The following CEP128 variants were observed in gnomAD, a reference collection of about 807,000 sequenced individuals.
The protein encoded by CEP128 is centrosomal protein 128kDa.
In CEP128, 132 loss-of-function variants were observed where a neutral mutation model predicts 156.7. The observed-to-expected ratio is 0.84, with a 90% confidence interval of 0.73 to 0.97. The LOEUF is 0.97. Among genes scored for constraint, CEP128 ranks in the 50% least tolerant of loss-of-function variants. CEP128 has a pLI of 0.00. For missense variants in CEP128, 1,252 were observed against 1,281.9 expected (o/e 0.98, Z 0.36); for synonymous variants, 469 against 448.9 (o/e 1.04, Z -0.57).
In CEP128 at chr14:80,939,064, C is replaced by T. The variant is rs558177580; in HGVS notation, c.-16+321G>A. 1.4e-4 allele frequency among the ~76,000 whole-genome samples: 22 copies of T among 152,218 alleles called. No individual in the cohort carries two copies. The South Asian group carries it at 3.1e-3, about 22-fold the overall frequency. On this transcript the variant is annotated intron_variant, in intron 2 of 24. Coordinates refer to ENST00000555265, the MANE Select transcript of CEP128 (RefSeq NM_152446.5). ...AACTGTCTCCTTTGTAAAAGATAAGCATGGTAAAGGAATTATATAATGCCT... is the reference window on the plus strand; with the variant it reads ...AACTGTCTCCTTTGTAAAAGATAAGTATGGTAAAGGAATTATATAATGCCT...
downstream of CEP128, among the ~76,000 whole-genome samples, chr14:80,492,782 CA>C (rs1225347387): frequency 6.6e-6 from 1 of 151,894 alleles, no homozygotes; most frequent in Non-Finnish European, 1.5e-5. Flanking sequence ...CTCATATTAT[CA>C]AAATTAAAGT....
chr14:80,702,279 T>G (rs1897100423), intron 19 of CEP128, among the ~76,000 whole-genome samples: 1 of 152,158 alleles, frequency 6.6e-6, no homozygotes, highest in Non-Finnish European at 1.5e-5. Flanking sequence ...AAGGAAAGAT[T>G]AATCAAAGGT....
rs1349128133 is a variant in CEP128 at position 80,914,346 on chromosome 14, A to G, written c.210T>C (p.Asn70=). The part of the protein sequence containing the change: ...QMLGRYREYS[N]GQAGAIEHLK... ...CATGTTCTATCGCACCCGCCTGTCC[A>G]TTACTGTATTCTCGGTATCGTCCAA... The change falls in exon 4 of 25, where the codon AAT becomes AAC. Residue 70 remains asparagine (N), a synonymous_variant. Coordinates refer to ENST00000555265, the MANE Select transcript of CEP128 (RefSeq NM_152446.5). 3.1e-6 allele frequency: 5 copies of G among 1,613,466 alleles called. No individual in the cohort carries two copies. Among genetic ancestry groups the G allele is most frequent in the South Asian group, 1.1e-5 (1 of 91,048 alleles).
intron 6 of CEP128, among the ~76,000 whole-genome samples, chr14:80,491,394 CTA>C (rs1248502998): frequency 6.6e-6 from 1 of 152,012 alleles, no homozygotes; most frequent in Non-Finnish European, 1.5e-5. Flanking sequence ...ACTGTTGCAT[CTA>C]TTTTACTCAG....
intron 23 of CEP128, among the ~76,000 whole-genome samples, chr14:80,506,901 G>T (rs1888002603): frequency 6.6e-6 from 1 of 152,086 alleles, no homozygotes; most frequent in Admixed American, 6.6e-5. Flanking sequence ...GTACTCCCCA[G>T]TGTTGGAGAT....
intron 19 of CEP128, among the ~76,000 whole-genome samples, chr14:80,684,171 G>A (rs900076135): frequency 3.9e-5 from 6 of 151,988 alleles, no homozygotes; most frequent in Non-Finnish European, 7.4e-5. Context: ...TTTTTGAAAG[G>A]ATACACAAGA....
At chr14:80,769,608 A>G (rs994547069) in intron 16 of CEP128, among the ~76,000 whole-genome samples, 3 of 152,204 alleles carry the variant, frequency 2.0e-5, no homozygotes, top group Non-Finnish European at 4.4e-5. Flanking sequence ...ACGGCTGCAT[A>G]GTATTCCATG....
At chr14:80,699,464 C>A (rs1483549734) in intron 19 of CEP128, among the ~76,000 whole-genome samples, 2 of 152,152 alleles carry the variant, frequency 1.3e-5, no homozygotes, top group African/African-American at 4.8e-5. Context: ...GACACAAGTA[C>A]TGCAAGGGGA....
chr14:80,592,781 A>T (rs1379352545), intron 19 of CEP128, among the ~76,000 whole-genome samples: 1 of 152,216 alleles, frequency 6.6e-6, no homozygotes, highest in African/African-American at 2.4e-5. Context: ...ATCCAGCAGC[A>T]CATCAATAAG....
intron 8 of CEP128, among the ~76,000 whole-genome samples, chr14:80,879,278 A>C (rs948613507): frequency 4.8e-4 from 73 of 152,314 alleles, no homozygotes; most frequent in African/African-American, 1.7e-3. Context: ...GGGACACACA[A>C]AAAAATGATA....
chr14:80,695,490 C>T lies in CEP128; in HGVS notation c.2806+47585G>A, dbSNP rs774209002. 7.9e-5 allele frequency among the ~76,000 whole-genome samples: 12 copies of T among 151,542 alleles called. No individual in the cohort carries two copies. The South Asian group carries it at 1.0e-3, about 13-fold the overall frequency. On this transcript the variant is annotated intron_variant, in intron 19 of 24. Coordinates refer to ENST00000555265, the MANE Select transcript of CEP128 (RefSeq NM_152446.5). ...CAGCACTTTGGGAGGCCAAGGCAGG[C>T]GGATCACTTGAGGTCAGGAGTTTGA...
At chr14:80,903,466 A>G (rs1595569249) in intron 6 of CEP128, among the ~76,000 whole-genome samples, 1 of 152,092 alleles carries the variant, frequency 6.6e-6, no homozygotes, top group East Asian at 1.9e-4. Flanking sequence ...ATGACCCCAA[A>G]AGCACAAGCA....
At chr14:80,843,586 T>C (rs1238041793) in intron 9 of CEP128, among the ~76,000 whole-genome samples, 10 of 152,096 alleles carry the variant, frequency 6.6e-5, no homozygotes, top group Non-Finnish European at 1.2e-4. Context: ...TTGTTCTTAC[T>C]ATATTTTGTA....
Position 80,862,864 on chromosome 14 carries a change from G to T in CEP128, c.655C>A (p.Arg219=). ...EAQKQEVVSD[R]VERRLQELER... ...AGTTCCTGAAGCCGCCGCTCCACCC[G>T]ATCTGAAACCTTAATAAGAATTCAG... The change falls in exon 9 of 25, where the codon CGG becomes AGG. Residue 219 remains arginine, a synonymous_variant. Transcript: ENST00000555265. The T allele has an allele frequency of 2.5e-6, 4 of 1,612,630 alleles. No homozygotes were observed. The highest frequency in any genetic ancestry group is 1.1e-5 in the South Asian group (1 of 91,002).
intron 8 of CEP128, among the ~76,000 whole-genome samples, chr14:80,885,976 G>T (rs1005155816): frequency 1.3e-5 from 2 of 151,942 alleles, no homozygotes; most frequent in Non-Finnish European, 2.9e-5. Flanking sequence ...AGAACTTCGC[G>T]AAGCATAGAC....
intron 19 of CEP128, among the ~76,000 whole-genome samples, chr14:80,735,478 A>G (rs1898485122): frequency 6.6e-6 from 1 of 152,216 alleles, no homozygotes; most frequent in Non-Finnish European, 1.5e-5. Flanking sequence ...ATTTACTGAT[A>G]AGTGTCCAAA....
intron 19 of CEP128, among the ~76,000 whole-genome samples, chr14:80,690,090 T>C (rs1387639860): frequency 1.3e-5 from 2 of 151,872 alleles, no homozygotes; most frequent in Non-Finnish European, 2.9e-5. Flanking sequence ...TGTTACTAAG[T>C]TGTTCCAAGC....
intron 20 of CEP128, among the ~76,000 whole-genome samples, chr14:80,563,914 A>G (rs1890803503): frequency 6.6e-6 from 1 of 152,208 alleles, no homozygotes; most frequent in South Asian, 2.1e-4. Flanking sequence ...ATTACACTAA[A>G]TGTATTTATT....
chr14:80,920,540 A>T, intron 2 of CEP128, among the ~76,000 whole-genome samples: 1 of 152,232 alleles, frequency 6.6e-6, no homozygotes, highest in East Asian at 1.9e-4. Context: ...AAAGAATGGT[A>T]AATAGTAATA....
Sources: allele counts gnomAD v4.1 joint callset (sites outside exome capture counted in the v4.1 genomes callset), GRCh38; gene constraint gnomAD v4.1.1; transcripts MANE v1.5; gene names NCBI Gene and HGNC (gene_info 2026-07-23, HGNC 2026-07-21).